The following DCTN4 variants were observed in gnomAD, a reference collection of about 807,000 sequenced individuals.
DCTN4 encodes the protein dynactin 4 (p62).
In DCTN4, 23 loss-of-function variants were observed where a neutral mutation model predicts 62.7. The observed-to-expected ratio is 0.37, with a 90% CI of 0.26 to 0.52. The LOEUF (loss-of-function observed/expected upper bound fraction) is 0.52, where lower values mean the gene tolerates loss of function less well. Among genes scored for constraint, DCTN4 ranks in the 20% least tolerant of loss-of-function variants. The probability of loss-of-function intolerance (pLI) is 0.92; values close to 1 mark genes in which losing one functional copy is unlikely to be tolerated. For synonymous variants in DCTN4, 199 were observed against 202.1 expected (o/e 0.98, Z 0.13); for missense variants, 514 against 580.4 (o/e 0.89, Z 1.18).
At chr5:150,723,094 CTGCTA>C in intron 8 of DCTN4, 114 bp from the exon 9 acceptor site, 1 of 742,496 alleles carries the variant, frequency 1.3e-6, no homozygotes, top group Non-Finnish European at 2.2e-6. Flanking sequence ...TTGTTTTGTT[CTGCTA>C]TAAGACCATA....
chr5:150,757,639 G>A (rs575303538), intron 1 of DCTN4, among the ~76,000 whole-genome samples: 1 of 152,116 alleles, frequency 6.6e-6, no homozygotes, highest in Non-Finnish European at 1.5e-5. Flanking sequence ...TACACATAAG[G>A]AAAGTGCTAA....
At chr5:150,721,646 G>A (rs770652014) in intron 9 of DCTN4, among the ~76,000 whole-genome samples, 6 of 151,990 alleles carry the variant, frequency 3.9e-5, no homozygotes, top group Non-Finnish European at 8.8e-5. Context: ...TTTCCCATAA[G>A]CTACCTGTTC....
chr5:150,725,132 T>C (rs968866952), intron 8 of DCTN4, among the ~76,000 whole-genome samples: 1 of 127,922 alleles, frequency 7.8e-6, no homozygotes, highest in African/African-American at 3.1e-5. Context: ...CACTCCAGCA[T>C]GAGCAACAGA....
intron 12 of DCTN4, among the ~76,000 whole-genome samples, chr5:150,714,567 G>A (rs1240011475): frequency 1.5e-5 from 2 of 133,340 alleles, no homozygotes; most frequent in South Asian, 2.2e-4. Flanking sequence ...TTGTAGAGAC[G>A]GAGTCTTAAC....
At chr5:150,731,189 CAA>C (rs1360878396) in intron 6 of DCTN4, 33 bp from the exon 7 acceptor site, 3 of 1,429,216 alleles carry the variant, frequency 2.1e-6, no homozygotes, top group African/African-American at 1.4e-5. Context: ...CAAAACAAAA[CAA>C]AAGAGTAATT....
chr5:150,752,307 T>C (rs186354818), intron 3 of DCTN4, among the ~76,000 whole-genome samples: 10 of 152,302 alleles, frequency 6.6e-5, no homozygotes, highest in African/African-American at 2.2e-4. Flanking sequence ...TAAAATTAAG[T>C]GTAATCTGTT....
intron 11 of DCTN4, among the ~76,000 whole-genome samples, chr5:150,716,917 C>CAAAA (rs111440383): frequency 8.7e-6 from 1 of 115,282 alleles, no homozygotes; most frequent in Non-Finnish European, 1.9e-5. Context: ...GATTCCGTCT[C>CAAAA]AAAAAAAAAA....
intron 10 of DCTN4, among the ~76,000 whole-genome samples, chr5:150,718,804 T>C (rs1490959102): frequency 6.6e-6 from 1 of 152,118 alleles, no homozygotes; most frequent in Non-Finnish European, 1.5e-5. Context: ...ACAAAAACTT[T>C]TTAAAATTTT....
At chr5:150,736,827 T>C (rs1207909860) in intron 4 of DCTN4, among the ~76,000 whole-genome samples, 1 of 152,158 alleles carries the variant, frequency 6.6e-6, no homozygotes, top group African/African-American at 2.4e-5. Context: ...AATTACAGAA[T>C]GGATAACAAT....
intron 4 of DCTN4, 125 bp downstream of exon 4, chr5:150,741,989 T>C: frequency 1.2e-6 from 1 of 820,542 alleles, no homozygotes; most frequent in African/African-American, 1.7e-5. Context: ...AAGCACTGTC[T>C]ATGTGCAAAG....
chr5:150,717,435 G>A (rs1370516659), intron 11 of DCTN4, among the ~76,000 whole-genome samples: 1 of 152,152 alleles, frequency 6.6e-6, no homozygotes, highest in African/African-American at 2.4e-5. Context: ...TTTTAGTAGA[G>A]ACGGGTTTCA....
chr5:150,721,530 A>C (rs950593423), intron 9 of DCTN4, among the ~76,000 whole-genome samples: 1 of 152,220 alleles, frequency 6.6e-6, no homozygotes, highest in African/African-American at 2.4e-5. Context: ...GTATGTGTTT[A>C]CCCACATTCT....
At chr5:150,758,020 T>G (rs1040612027) in intron 1 of DCTN4, 1 of 923,464 alleles carries the variant, frequency 1.1e-6, no homozygotes, top group South Asian at 5.0e-5. Context: ...ACATGACATA[T>G]AGCAAGTATC....
At chr5:150,712,196 C>T (rs978005828) in intron 12 of DCTN4, among the ~76,000 whole-genome samples, 1 of 152,172 alleles carries the variant, frequency 6.6e-6, no homozygotes, top group African/African-American at 2.4e-5. Flanking sequence ...GTGGCGCAAT[C>T]TTGGCTCACC....
At chr5:150,749,023 A>G (rs563350037) in intron 3 of DCTN4, among the ~76,000 whole-genome samples, 1 of 152,160 alleles carries the variant, frequency 6.6e-6, no homozygotes, top group Non-Finnish European at 1.5e-5. Flanking sequence ...AAACATGGGT[A>G]GATCTTAGTG....
chr5:150,714,345 T>C (rs1759680275), intron 12 of DCTN4, among the ~76,000 whole-genome samples: 1 of 151,898 alleles, frequency 6.6e-6, no homozygotes, highest in Non-Finnish European at 1.5e-5. Flanking sequence ...TCCTGTTTGC[T>C]TGTGGTCCCT....
chr5:150,755,647 T>C, intron 2 of DCTN4: 1 of 446,080 alleles, frequency 2.2e-6, no homozygotes. Context: ...TCAATACTTT[T>C]GAGGTCATCA....
At position 150,709,111 on chromosome 5, in the gene DCTN4, G is replaced by A. The variant is rs1759472714; in HGVS notation, c.*2038C>T. The A allele has an allele frequency of 6.5e-6, 1 of 152,754 alleles. No individual in the cohort carries two copies. The highest frequency in any genetic ancestry group is 2.4e-5 in the African/African-American group (1 of 41,444). The allele number at this position is 152,754 out of a possible 1,614,324, so 9.5% of individuals were successfully genotyped here. A position where few individuals can be genotyped will look rare whatever the true frequency, so the allele number is the denominator to read the frequency against. ...ACAATTCCTAATTCACCAGCTGCAG[G>A]TATTGAATCATTTCTACGAACACAC... On this transcript the variant is annotated 3_prime_UTR_variant, in exon 13 of 13. Transcript: ENST00000447998.
Position 150,728,956 on chromosome 5 carries a change from C to T in DCTN4, c.834+1675G>A, listed in dbSNP as rs554323984. On this transcript the variant is annotated intron_variant, in intron 8 of 12. Coordinates refer to ENST00000447998, the MANE Select transcript of DCTN4 (RefSeq NM_016221.4). Reference sequence around the variant, plus strand: ...GCAGTGGTGTGATTACTGCTCACAGCAGCCTCAACTTCCTGGGCTCAAGCA... The same window carrying T: ...GCAGTGGTGTGATTACTGCTCACAGTAGCCTCAACTTCCTGGGCTCAAGCA... 2.5e-3 allele frequency among the ~76,000 whole-genome samples: 373 copies of T among 149,536 alleles called. 2 individuals are homozygous for T. Among genetic ancestry groups the T allele is most frequent in the African/African-American group, 8.7e-3 (353 of 40,514 alleles).
Sources: allele counts gnomAD v4.1 joint callset (sites outside exome capture counted in the v4.1 genomes callset), GRCh38; gene constraint gnomAD v4.1.1; transcripts MANE v1.5; gene names NCBI Gene and HGNC (gene_info 2026-07-23, HGNC 2026-07-21).